TTC23: variants seen among roughly 807,000 people sequenced by gnomAD.
The protein encoded by TTC23 is tetratricopeptide repeat protein 23.
A neutral mutation model predicts 55.1 loss-of-function variants in TTC23; 58 were observed. The ratio of observed to expected loss-of-function variants is 1.05; its 90% CI spans 0.85 to 1.31. TTC23 has a LOEUF of 1.31. Ranked by LOEUF, TTC23 falls within the 50% of genes most tolerant of loss-of-function variation. The probability of loss-of-function intolerance (pLI) is 0.00; values close to 1 mark genes in which losing one functional copy is unlikely to be tolerated. For missense variants in TTC23, 516 were observed against 534.4 expected, an observed-to-expected ratio of 0.97 and a Z score of 0.34; for synonymous variants, 203 against 199.9, an observed-to-expected ratio of 1.02 and a Z score of -0.13.
chr15:99,250,756 C>T (rs75894442), upstream of TTC23, among the ~76,000 whole-genome samples: 1 of 152,144 alleles, frequency 6.6e-6, no homozygotes, highest in Non-Finnish European at 1.5e-5. Context: ...TGTTCCTGAC[C>T]TTTTTAGCAA....
In TTC23 at chr15:99,138,020, G is replaced by A. The variant is rs1454572395; in HGVS notation, c.1334C>T (p.Thr445Ile). The stretch of plus-strand genomic sequence containing the variant: ...TTCAGGGTGGGGGCCTCAGTCTGCT[G>A]TTGTGCCGGGCCGGGCCTTCCCCAG... ...TLLGKARPGT[T>I]AD The change falls in exon 14 of 14, where the codon ACA becomes ATA. Residue 445 changes from threonine to isoleucine, a missense_variant. By Grantham distance (89) the Thr-to-Ile change is moderately conservative. Coordinates refer to ENST00000394132, the MANE Select transcript of TTC23 (RefSeq NM_001288615.3). The A allele has an allele frequency of 4.3e-6, 7 of 1,614,018 alleles. No individual in the cohort carries two copies. In the African/African-American group the frequency reaches 6.7e-5, roughly 15 times the overall value.
At chr15:99,173,017 CA>C (rs1458885896) in intron 10 of TTC23, among the ~76,000 whole-genome samples, 1 of 152,220 alleles carries the variant, frequency 6.6e-6, no homozygotes, top group East Asian at 1.9e-4. Flanking sequence ...TTCATACCTG[CA>C]GTGAGTACAC....
chr15:99,196,859 C>G (rs548842899), intron 9 of TTC23, among the ~76,000 whole-genome samples: 17 of 152,314 alleles, frequency 1.1e-4, no homozygotes, highest in Admixed American at 9.8e-4. Flanking sequence ...CTTAAGATGA[C>G]TTTCAACACC....
At chr15:99,250,246 A>G (rs534721163), upstream of TTC23, among the ~76,000 whole-genome samples, 1 of 152,238 alleles carries the variant, frequency 6.6e-6, no homozygotes, top group Non-Finnish European at 1.5e-5. Context: ...GAAATACATG[A>G]CATATACCAA....
At chr15:99,223,778 C>A (rs1334621844) in intron 5 of TTC23, among the ~76,000 whole-genome samples, 1 of 152,214 alleles carries the variant, frequency 6.6e-6, no homozygotes, top group Non-Finnish European at 1.5e-5. Context: ...GCTGAGCAAA[C>A]CCCACTGAGC....
chr15:99,201,748 A>G (rs1457256827), intron 8 of TTC23, among the ~76,000 whole-genome samples: 3 of 152,206 alleles, frequency 2.0e-5, no homozygotes, highest in African/African-American at 4.8e-5. Flanking sequence ...GCGACCCAGT[A>G]ATACCGGTCT....
rs28501250 is a variant in TTC23 at position 99,139,772 on chromosome 15, G to T, written c.1144-373C>A. The T allele has an allele frequency of 5.4e-3, 7,001 of 1,295,220 alleles. 305 individuals are homozygous for T. The African/African-American group carries it at 0.092, about 17-fold the overall frequency. The allele number at this position is 1,295,220 out of a possible 1,614,324, so 80.2% of individuals were successfully genotyped here. A position where few individuals can be genotyped will look rare whatever the true frequency, so the allele number is the denominator to read the frequency against. On this transcript the variant is annotated intron_variant, in intron 12 of 13. Transcript: ENST00000394132. ...GGAAAAGATTTAAAAAAATAGTTTT[G>T]TTTTTTTTGTAAACACATACTCTAC...
At chr15:99,199,886 A>C (rs1459311073) in intron 9 of TTC23, 33 bp downstream of exon 9, 2 of 1,586,044 alleles carry the variant, frequency 1.3e-6, no homozygotes, top group Admixed American at 3.5e-5. Context: ...TTGGGCCTAG[A>C]ACAGCTTTGG....
At chr15:99,192,569 G>A (rs2075334626) in intron 9 of TTC23, among the ~76,000 whole-genome samples, 1 of 152,158 alleles carries the variant, frequency 6.6e-6, no homozygotes, top group African/African-American at 2.4e-5. Flanking sequence ...TGAAGTTTGG[G>A]AACCTCTGCC....
intron 12 of TTC23, among the ~76,000 whole-genome samples, chr15:99,142,162 G>C (rs8034879): frequency 0.47 from 71,792 of 151,920 alleles, 17,566 homozygotes; most frequent in East Asian, 0.65. Context: ...GTTTTTGACA[G>C]CCATGGTACC....
intron 3 of TTC23, among the ~76,000 whole-genome samples, chr15:99,238,518 C>T (rs2079510832): frequency 6.6e-6 from 1 of 151,970 alleles, no homozygotes; most frequent in Non-Finnish European, 1.5e-5. Flanking sequence ...AGACTCCAGA[C>T]AACAAGAAGG....
intron 12 of TTC23, chr15:99,140,185 C>T (rs1268770085): frequency 6.3e-6 from 1 of 157,844 alleles, no homozygotes; most frequent in African/African-American, 2.4e-5. Context: ...ACAGAAATGG[C>T]CTTGCGGGAT....
chr15:99,138,949 A>G (rs2067882125), intron 13 of TTC23, among the ~76,000 whole-genome samples: 1 of 152,192 alleles, frequency 6.6e-6, no homozygotes, highest in Non-Finnish European at 1.5e-5. Context: ...TCAGTCAGTG[A>G]ACCTTCCGGC....
chr15:99,198,152 C>T (rs2075899717), intron 9 of TTC23, among the ~76,000 whole-genome samples: 1 of 152,150 alleles, frequency 6.6e-6, no homozygotes, highest in Non-Finnish European at 1.5e-5. Flanking sequence ...AACTTTCTGA[C>T]CTATATTTTG....
intron 1 of TTC23, among the ~76,000 whole-genome samples, chr15:99,245,845 C>T (rs1257791136): frequency 3.6e-5 from 5 of 138,820 alleles, no homozygotes; most frequent in Non-Finnish European, 7.6e-5. Context: ...TTGAGACAGA[C>T]TCTCGCTGGA....
intron 12 of TTC23, 76 bp from the exon 13 acceptor site, chr15:99,139,475 G>A: frequency 1.3e-6 from 2 of 1,598,276 alleles, no homozygotes; most frequent in Non-Finnish European, 1.7e-6. Context: ...TCCCTTGAAT[G>A]AGAGAAAGAT....
chr15:99,217,085 A>G (rs2077530243), intron 8 of TTC23, among the ~76,000 whole-genome samples: 2 of 152,214 alleles, frequency 1.3e-5, no homozygotes, highest in African/African-American at 4.8e-5. Context: ...GCAACAACCA[A>G]AACGTGCTGA....
intron 4 of TTC23, among the ~76,000 whole-genome samples, chr15:99,229,029 ATACG>A (rs1567544058): frequency 6.6e-6 from 1 of 152,120 alleles, no homozygotes; most frequent in Non-Finnish European, 1.5e-5. Flanking sequence ...ACATACATAC[ATACG>A]TAAAGTCCAG....
At chr15:99,227,497 C>G (rs966000311) in intron 5 of TTC23, among the ~76,000 whole-genome samples, 3 of 152,080 alleles carry the variant, frequency 2.0e-5, no homozygotes. Flanking sequence ...CTTTTTTTGT[C>G]CATACCCTTC....
Sources: allele counts gnomAD v4.1 joint callset (sites outside exome capture counted in the v4.1 genomes callset), GRCh38; gene constraint gnomAD v4.1.1; transcripts MANE v1.5; gene names NCBI Gene and HGNC (gene_info 2026-07-23, HGNC 2026-07-21).